Variants in KIF13A observed in about 807,000 individuals in gnomAD.
KIF13A encodes kinesin family member 13A.
A neutral mutation model predicts 212.2 loss-of-function variants in KIF13A; 79 were observed. The ratio of observed to expected loss-of-function variants is 0.37; its 90% CI spans 0.31 to 0.45. The LOEUF (loss-of-function observed/expected upper bound fraction) is 0.45. Among genes scored for constraint, KIF13A ranks in the 20% least tolerant of loss-of-function variants. The probability of loss-of-function intolerance (pLI) is 1.00; values close to 1 mark genes in which losing one functional copy is unlikely to be tolerated. For missense variants in KIF13A, 1,901 were observed against 2,209.0 expected (o/e 0.86, Z 2.79); for synonymous variants, 789 against 808.6 (o/e 0.98, Z 0.41).
intron 2 of KIF13A, among the ~76,000 whole-genome samples, chr6:17,972,924 G>C (rs979439749): frequency 6.6e-6 from 1 of 151,412 alleles, no homozygotes; most frequent in African/African-American, 2.4e-5. Context: ...TCTAACAGCA[G>C]CCAGTTCATC....
At chr6:17,950,906 C>T (rs1581827789) in intron 2 of KIF13A, 2 of 982,616 alleles carry the variant, frequency 2.0e-6, no homozygotes, top group East Asian at 2.3e-4. Context: ...CAACCGTATC[C>T]ACCCACCCAG....
chr6:17,955,403 T>C (rs760527706), intron 2 of KIF13A, among the ~76,000 whole-genome samples: 14 of 152,214 alleles, frequency 9.2e-5, no homozygotes, highest in Non-Finnish European at 1.9e-4. Flanking sequence ...CTTGAGTAAC[T>C]GATAGGGCAA....
rs56396263 is a variant in KIF13A, at chr6:17,842,000, C to CGTGTGTGT, written c.831-4425_831-4418dup. ...ATGTATGTATGTGTATATACACATA[C>CGTGTGTGT]GTGTGTGTGTGTGTGTGTGTGTGTG... On this transcript the variant is annotated intron_variant, in intron 9 of 38. Coordinates refer to ENST00000259711, the MANE Select transcript of KIF13A (RefSeq NM_022113.6). 2.3e-3 allele frequency among the ~76,000 whole-genome samples: 328 copies of CGTGTGTGT among 143,818 alleles called. 3 individuals are homozygous for CGTGTGTGT. The highest frequency in any genetic ancestry group is 5.9e-3 in the African/African-American group (232 of 39,646). The allele number at this position is 143,818 out of a possible 152,430, so 94.4% of individuals were successfully genotyped here.
intron 2 of KIF13A, among the ~76,000 whole-genome samples, chr6:17,983,688 G>A (rs1448965638): frequency 3.3e-5 from 5 of 151,850 alleles, no homozygotes; most frequent in Non-Finnish European, 5.9e-5. Context: ...GGGTTTCATC[G>A]TGTTGGCCAG....
intron 2 of KIF13A, among the ~76,000 whole-genome samples, chr6:17,964,547 T>A (rs767507548): frequency 2.0e-5 from 3 of 152,140 alleles, no homozygotes; most frequent in Non-Finnish European, 4.4e-5. Flanking sequence ...GAAAAGTCAG[T>A]GTTATCTACT....
chr6:17,913,709 G>A (rs994181776), intron 2 of KIF13A, among the ~76,000 whole-genome samples: 1 of 152,070 alleles, frequency 6.6e-6, no homozygotes, highest in Non-Finnish European at 1.5e-5. Context: ...GAAAGGATCT[G>A]GTGTCAATCC....
intron 26 of KIF13A, among the ~76,000 whole-genome samples, chr6:17,788,355 C>T (rs1418468821): frequency 6.6e-6 from 1 of 152,156 alleles, no homozygotes; most frequent in African/African-American, 2.4e-5. Flanking sequence ...CAGCAGAGAA[C>T]TTTTCAAACT....
chr6:17,877,818 C>A (rs1770708459), intron 3 of KIF13A, among the ~76,000 whole-genome samples: 1 of 151,882 alleles, frequency 6.6e-6, no homozygotes, highest in Middle Eastern at 3.4e-3. Flanking sequence ...TGGTTTTCAA[C>A]CTCATTCTGT....
chr6:17,817,824 A>T (rs866649529), intron 16 of KIF13A, among the ~76,000 whole-genome samples: 1 of 152,222 alleles, frequency 6.6e-6, no homozygotes, highest in African/African-American at 2.4e-5. Flanking sequence ...AGGACAATTC[A>T]CTTGCAAAAA....
intron 38 of KIF13A, among the ~76,000 whole-genome samples, chr6:17,766,335 G>T (rs1017484835): frequency 6.6e-6 from 1 of 151,420 alleles, no homozygotes; most frequent in African/African-American, 2.4e-5. Flanking sequence ...CATCTCCCAG[G>T]TTCAAGCAAT....
chr6:17,833,499 A>C (rs1394113627), intron 12 of KIF13A, among the ~76,000 whole-genome samples: 3 of 43,332 alleles, frequency 6.9e-5, no homozygotes, highest in Admixed American at 2.5e-4. Context: ...CTTGTCTTCA[A>C]AAAAAAAAAA....
intron 19 of KIF13A, among the ~76,000 whole-genome samples, 200 bp from the exon 20 acceptor site, chr6:17,804,710 G>A (rs1432703587): frequency 6.7e-6 from 1 of 150,332 alleles, no homozygotes. Flanking sequence ...CTACTCAGGA[G>A]GCTGGGGCAC....
chr6:17,986,829 T>C (rs985505416), intron 2 of KIF13A, among the ~76,000 whole-genome samples: 1 of 152,152 alleles, frequency 6.6e-6, no homozygotes, highest in African/African-American at 2.4e-5. Context: ...CTCAGCTGAC[T>C]GGTGCTGTGG....
At chr6:17,973,754 G>A (rs553101040) in intron 2 of KIF13A, among the ~76,000 whole-genome samples, 3 of 152,266 alleles carry the variant, frequency 2.0e-5, no homozygotes, top group East Asian at 1.9e-4. Flanking sequence ...GCACCCAGAC[G>A]TCTCACAGTT....
chr6:17,947,060 C>T lies in KIF13A; in HGVS notation c.146+39994G>A, dbSNP rs1030203953. Among the ~76,000 whole-genome samples the T allele has an allele frequency of 4.6e-5, 7 of 151,842 alleles. No individual in the cohort carries two copies. Among genetic ancestry groups the T allele is most frequent in the South Asian group, 4.1e-4 (2 of 4,824 alleles). On this transcript the variant is annotated intron_variant, in intron 2 of 38. Coordinates refer to ENST00000259711, the MANE Select transcript of KIF13A (RefSeq NM_022113.6). This position sits in a 1 kb window ranked among gnomAD's most constrained non-coding sequence, Gnocchi z 4.6. ...AAACAGATGAGCAAATAAAGTGTGA[C>T]GAAAAGTTCAAAAAGTAGCATTCCA... is the stretch of plus-strand genomic sequence containing the variant.
At chr6:17,949,040 C>T (rs964174329) in intron 2 of KIF13A, among the ~76,000 whole-genome samples, 6 of 151,968 alleles carry the variant, frequency 3.9e-5, no homozygotes, top group South Asian at 4.2e-4. Context: ...GTCAAATGTA[C>T]AATATACAAC....
chr6:17,841,935 TTG>T (rs1766547331), intron 9 of KIF13A, among the ~76,000 whole-genome samples: 1 of 150,400 alleles, frequency 6.6e-6, no homozygotes, highest in African/African-American at 2.4e-5. Flanking sequence ...GTCTGTGTGT[TTG>T]TGTGTCTACA....
In KIF13A at chr6:17,829,945, TTAG is replaced by T. The variant is rs1765299920; in HGVS notation, c.1401+1153_1401+1155del. Among the ~76,000 whole-genome samples, 6 of 152,102 alleles carry T rather than the reference TTAG, an allele frequency of 3.9e-5. No individual in the cohort carries two copies. The highest frequency in any genetic ancestry group is 1.4e-4 in the African/African-American group (6 of 41,428). Reference sequence around the variant, plus strand: ...TCTCAAGCAGGCAATACCTTCGCATTTAGAGATTCAGGTGTGTGGACAGCATAT... The same window carrying T: ...TCTCAAGCAGGCAATACCTTCGCATTAGATTCAGGTGTGTGGACAGCATAT... On this transcript the variant is annotated intron_variant, in intron 13 of 38. Transcript: ENST00000259711. The surrounding 1 kb of genome is among the most constrained non-coding windows in gnomAD (Gnocchi z 5.4).
intron 2 of KIF13A, among the ~76,000 whole-genome samples, chr6:17,910,724 C>T (rs1485747012): frequency 6.6e-6 from 1 of 152,200 alleles, no homozygotes; most frequent in Admixed American, 6.5e-5. Flanking sequence ...TTAAAATTCT[C>T]ACCACAGGGT....
Sources: gnomAD v4.1 joint callset for allele counts (sites outside exome capture counted in the v4.1 genomes callset) on GRCh38, gnomAD v4.1.1 for gene constraint, Gnocchi (gnomAD v3.1) non-coding constraint, MANE v1.5 for transcripts, NCBI Gene and HGNC (gene_info 2026-07-23, HGNC 2026-07-21) for gene names.